CATSPERT: variants seen among roughly 807,000 people sequenced by gnomAD.
CATSPERT encodes cation channel sperm-associated targeting subunit tau.
At chr2:201,611,355 G>A in the CATSPERT span, among the ~76,000 whole-genome samples, 2 of 152,228 alleles carry the variant, frequency 1.3e-5, no homozygotes, top group African/African-American at 2.4e-5. Context: ...TTAACAACAG[G>A]CTTCTGAATA....
At chr2:201,619,003 A>G in the CATSPERT span, 1 of 1,614,014 alleles carries the variant, frequency 6.2e-7, no homozygotes, top group Non-Finnish European at 8.5e-7. Context: ...CGACCCTTTA[A>G]TGTGCATGAT....
the CATSPERT span, among the ~76,000 whole-genome samples, chr2:201,552,129 A>G: frequency 6.6e-6 from 1 of 151,440 alleles, no homozygotes; most frequent in Non-Finnish European, 1.5e-5. Flanking sequence ...GAGTAACTAC[A>G]GGTGCATGCC....
chr2:201,505,406 A>G, the CATSPERT span, among the ~76,000 whole-genome samples: 1 of 152,136 alleles, frequency 6.6e-6, no homozygotes, highest in Admixed American at 6.5e-5. Context: ...TTTCTAAGCA[A>G]TCAGTCATAT....
chr2:201,537,202 C>T, the CATSPERT span, among the ~76,000 whole-genome samples: 1 of 151,818 alleles, frequency 6.6e-6, no homozygotes, highest in African/African-American at 2.4e-5. Flanking sequence ...GTTTCTCCTT[C>T]ATCTCTTCCT....
chr2:201,572,664 A>C, the CATSPERT span, among the ~76,000 whole-genome samples: 1 of 152,182 alleles, frequency 6.6e-6, no homozygotes, highest in Non-Finnish European at 1.5e-5. Context: ...ATAAGCTATA[A>C]CTGTCACAAA....
the CATSPERT span, among the ~76,000 whole-genome samples, chr2:201,517,366 C>T: frequency 2.6e-5 from 4 of 152,156 alleles, no homozygotes; most frequent in African/African-American, 7.2e-5. Flanking sequence ...CATTTGCCAC[C>T]GAAATCCAAG....
At chr2:201,494,471 T>TTGTA in the CATSPERT span, 1 of 1,537,416 alleles carries the variant, frequency 6.5e-7, no homozygotes, top group Admixed American at 2.0e-5. Context: ...AAACTATTCT[T>TTGTA]TGTATCTAAA....
chr2:201,576,662 T>C, the CATSPERT span, among the ~76,000 whole-genome samples: 2 of 152,380 alleles, frequency 1.3e-5, no homozygotes, highest in East Asian at 3.9e-4. Flanking sequence ...CTTGAGCCTG[T>C]GTGCCCACGG....
At chr2:201,559,060 C>T in the CATSPERT span, among the ~76,000 whole-genome samples, 1 of 152,206 alleles carries the variant, frequency 6.6e-6, no homozygotes, top group Non-Finnish European at 1.5e-5. Context: ...GCCGAAGAGA[C>T]TCTTGAGCCT....
chr2:201,494,080 T>A, the CATSPERT span: 1 of 1,535,082 alleles, frequency 6.5e-7, no homozygotes, highest in Non-Finnish European at 8.7e-7. Flanking sequence ...TGCAGGAATA[T>A]TTTTAATTAT....
chr2:201,525,329 G>T, the CATSPERT span, among the ~76,000 whole-genome samples: 8 of 152,120 alleles, frequency 5.3e-5, no homozygotes, highest in African/African-American at 1.7e-4. Flanking sequence ...TAATCACATG[G>T]AAATTAGACA....
the CATSPERT span, among the ~76,000 whole-genome samples, chr2:201,563,683 ACTC>A: frequency 6.6e-6 from 1 of 152,036 alleles, no homozygotes; most frequent in African/African-American, 2.4e-5. Context: ...TTATGTCTCT[ACTC>A]ATTATACTCT....
chr2:201,533,445 C>T, the CATSPERT span, among the ~76,000 whole-genome samples: 1 of 152,142 alleles, frequency 6.6e-6, no homozygotes, highest in Non-Finnish European at 1.5e-5. Context: ...CTCATGTTTT[C>T]CCTCCCTCTA....
chr2:201,545,264 C>G, the CATSPERT span, among the ~76,000 whole-genome samples: 1 of 151,916 alleles, frequency 6.6e-6, no homozygotes, highest in East Asian at 1.9e-4. Context: ...GTCTTGAACT[C>G]CTGACCTCAT....
the CATSPERT span, chr2:201,487,859 A>G: frequency 1.2e-6 from 2 of 1,613,658 alleles, no homozygotes; most frequent in Non-Finnish European, 1.7e-6. Context: ...AAGGTGTGTA[A>G]ATGAGGTCAT....
chr2:201,575,055 A>AGAT, the CATSPERT span, among the ~76,000 whole-genome samples: 1 of 146,160 alleles, frequency 6.8e-6, no homozygotes, highest in East Asian at 2.2e-4. Flanking sequence ...AAAAAAAAGA[A>AGAT]GAAGAAGAAG....
the CATSPERT span, among the ~76,000 whole-genome samples, chr2:201,512,838 A>G: frequency 6.7e-6 from 1 of 149,914 alleles, no homozygotes; most frequent in Non-Finnish European, 1.5e-5. Context: ...TTGCATGTAT[A>G]GTTTTTTTAA....
chr2:201,579,219 C>G, the CATSPERT span, among the ~76,000 whole-genome samples: 320 of 151,644 alleles, frequency 2.1e-3, 3 homozygotes, highest in African/African-American at 7.3e-3. Flanking sequence ...CCTAATTGTC[C>G]CAAGAATGTC....
chr2:201,544,998 G>GATAATA, the CATSPERT span, among the ~76,000 whole-genome samples: 63,972 of 149,176 alleles, frequency 0.43, 14,303 homozygotes, highest in East Asian at 0.75. Context: ...CCCTGTCTCA[G>GATAATA]ATAATAATAA....
Sources: allele counts gnomAD v4.1 joint callset (sites outside exome capture counted in the v4.1 genomes callset), GRCh38; gene constraint gnomAD v4.1.1; transcripts MANE v1.5; gene names NCBI Gene and HGNC (gene_info 2026-07-23, HGNC 2026-07-21).